RABL6: variants seen among roughly 807,000 people sequenced by gnomAD.
The protein encoded by RABL6 is rab-like protein 6.
In RABL6, 28 loss-of-function variants were observed where a neutral mutation model predicts 72.9. That is an observed-to-expected ratio of 0.38 (90% CI 0.28 to 0.53). The LOEUF is 0.53. Among genes scored for constraint, RABL6 ranks in the 20% least tolerant of loss-of-function variants. RABL6 has a pLI of 0.80. For missense variants in RABL6, 1,029 were observed against 1,008.4 expected (o/e 1.02, Z -0.28); for synonymous variants, 477 against 421.2 (o/e 1.13, Z -1.62).
rs1222603458 is a variant in RABL6, at chr9:136,834,099, C to T, written c.706-1643C>T. 17 of 1,327,980 alleles carry T rather than the reference C, an allele frequency of 1.3e-5. No individual in the cohort carries two copies. In the Admixed American group the frequency reaches 1.3e-4, roughly 10 times the overall value. 82.3% of individuals were successfully genotyped at this position (1,327,980 alleles called of 1,614,324 possible). ...TGTGTTCAAGCAGATCTGATGTCCT[C>T]GCCTGTCTCAGCAGCGGGACCCCTG... On this transcript the variant is annotated intron_variant, in intron 7 of 14. Coordinates refer to ENST00000311502, the MANE Select transcript of RABL6 (RefSeq NM_024718.5).
At chr9:136,829,074 C>T (rs546159426) in intron 4 of RABL6, among the ~76,000 whole-genome samples, 1 of 152,326 alleles carries the variant, frequency 6.6e-6, no homozygotes, top group East Asian at 1.9e-4. Context: ...CTGAGGGCAG[C>T]TGGTAGTCCA....
In RABL6 at chr9:136,822,916, G is replaced by A. The variant is rs372609286; in HGVS notation, c.131-609G>A. On this transcript the variant is annotated intron_variant, in intron 1 of 14. Transcript: ENST00000311502. ...ACCCTGGCTAACACGGTGAAACCCCGTCTCTACTAAAAATACAAAAAATTA... is the reference window on the plus strand; with the variant it reads ...ACCCTGGCTAACACGGTGAAACCCCATCTCTACTAAAAATACAAAAAATTA... 2.2e-4 allele frequency among the ~76,000 whole-genome samples: 34 copies of A among 152,196 alleles called. No individual in the cohort carries two copies. In the East Asian group the frequency reaches 3.5e-3, roughly 16 times the overall value.
At chr9:136,831,260 A>G (rs989670091) in intron 5 of RABL6, among the ~76,000 whole-genome samples, 2 of 152,166 alleles carry the variant, frequency 1.3e-5, no homozygotes, top group African/African-American at 2.4e-5. Flanking sequence ...AGGCTCTCCA[A>G]ACAGCCCGCT....
chr9:136,819,034 T>G (rs1390997536), intron 1 of RABL6, among the ~76,000 whole-genome samples: 1 of 151,946 alleles, frequency 6.6e-6, no homozygotes, highest in Non-Finnish European at 1.5e-5. Context: ...GAAAACCACC[T>G]TGTCCAGGCC....
chr9:136,810,095 CAAAAT>C (rs1847975621), intron 1 of RABL6: 1 of 152,216 alleles, frequency 6.6e-6, no homozygotes, highest in Non-Finnish European at 1.5e-5. Flanking sequence ...AATATTGAGT[CAAAAT>C]AACTGAGTTT....
At chr9:136,835,547 G>A (rs936932769) in intron 7 of RABL6, 195 bp from the exon 8 acceptor site, 15 of 551,984 alleles carry the variant, frequency 2.7e-5, no homozygotes, top group African/African-American at 7.6e-5. Flanking sequence ...GCCGGCCACC[G>A]CAGAGGAATC....
chr9:136,837,778 A>G, intron 9 of RABL6, 84 bp from the exon 10 acceptor site: 2 of 1,541,074 alleles, frequency 1.3e-6, no homozygotes, highest in Non-Finnish European at 1.8e-6. Flanking sequence ...TCCCGTGGGC[A>G]CATCCCGGGT....
Position 136,808,191 on chromosome 9 carries a change from G to T in RABL6, c.-6G>T. 1 of 1,521,350 alleles carries T rather than the reference G, an allele frequency of 6.6e-7. No homozygotes were observed. Among genetic ancestry groups the T allele is most frequent in the Non-Finnish European group, 8.8e-7 (1 of 1,135,608 alleles). The allele number at this position is 1,521,350 out of a possible 1,614,324, so 94.2% of individuals were successfully genotyped here. A position where few individuals can be genotyped will look rare whatever the true frequency, so the allele number is the denominator to read the frequency against. On this transcript the variant is annotated 5_prime_UTR_variant, in exon 1 of 15. Transcript: ENST00000311502. ...CGCGCCCGGGCTGGGACGTCCGAGC[G>T]GGAAGATGTTTTCCGCCCTGAAGAA...
chr9:136,808,704 G>C (rs1259666889), intron 1 of RABL6: 1 of 152,874 alleles, frequency 6.5e-6, no homozygotes, highest in Non-Finnish European at 1.5e-5. Context: ...GCTCCACGGT[G>C]CCCAGCCCCG....
intron 7 of RABL6, chr9:136,833,373 G>C: frequency 2.7e-6 from 1 of 374,180 alleles, no homozygotes; most frequent in South Asian, 2.0e-5. Flanking sequence ...TGGGGGACCT[G>C]AACCTCCTTG....
In RABL6 at chr9:136,837,841, AC is replaced by A; in HGVS notation, c.1127-18del. 1 of 1,546,630 alleles carries A rather than the reference AC, an allele frequency of 6.5e-7. No homozygotes were observed. Among genetic ancestry groups the A allele is most frequent in the Non-Finnish European group, 8.7e-7 (1 of 1,145,336 alleles). ...AGGGTTCTGGTGCCGAGTGAAGAGG[AC>A]CCGGCATCACTGTTCACAGAGCCAG... On this transcript the variant is annotated intron_variant, in intron 9 of 14. Transcript: ENST00000311502.
Position 136,839,744 on chromosome 9 carries a change from G to C in RABL6, c.1809G>C (p.Glu603Asp), listed in dbSNP as rs1426160271. 6.2e-7 allele frequency: 1 copy of C among 1,610,358 alleles called. No homozygotes were observed. Among genetic ancestry groups the C allele is most frequent in the Non-Finnish European group, 8.5e-7 (1 of 1,178,352 alleles). The change falls in exon 13 of 15, where the codon GAG (glutamate) becomes GAC (aspartate). Residue 603 changes from glutamate (E) to aspartate (D), a missense_variant. Coordinates refer to ENST00000311502, the MANE Select transcript of RABL6 (RefSeq NM_024718.5). ...DDPSDVTDEDEGPAEPPPPPK... is the reference protein window; with the variant it reads ...DDPSDVTDEDDGPAEPPPPPK... ...CCTCCGATGTGACTGACGAGGATGAGGGCCCTGCCGAGCCGCCCCCACCCC... is the reference window on the plus strand; with the variant it reads ...CCTCCGATGTGACTGACGAGGATGACGGCCCTGCCGAGCCGCCCCCACCCC...
chr9:136,832,576 C>T, intron 7 of RABL6: 1 of 639,256 alleles, frequency 1.6e-6, no homozygotes, highest in East Asian at 2.8e-5. Flanking sequence ...TAGACCCAGT[C>T]CCAGGAGCCC....
chr9:136,832,672 C>G (rs920050699), intron 7 of RABL6: 2 of 415,996 alleles, frequency 4.8e-6, no homozygotes, highest in Admixed American at 7.1e-5. Context: ...TGCTGTGTGG[C>G]CCAGGCTGGA....
At position 136,808,188 on chromosome 9, in the gene RABL6, A is replaced by C; in HGVS notation, c.-9A>C. The C allele has an allele frequency of 6.6e-7, 1 of 1,515,782 alleles. No individual in the cohort carries two copies. Among genetic ancestry groups the C allele is most frequent in the Non-Finnish European group, 8.8e-7 (1 of 1,132,574 alleles). 93.9% of individuals were successfully genotyped at this position (1,515,782 alleles called of 1,614,324 possible). ...GGCCGCGCCCGGGCTGGGACGTCCG[A>C]GCGGGAAGATGTTTTCCGCCCTGAA... is the stretch of plus-strand genomic sequence containing the variant. On this transcript the variant is annotated 5_prime_UTR_variant, in exon 1 of 15. Coordinates refer to ENST00000311502, the MANE Select transcript of RABL6 (RefSeq NM_024718.5).
At chr9:136,813,917 C>T (rs1175368017) in intron 1 of RABL6, 1 of 324,626 alleles carries the variant, frequency 3.1e-6, no homozygotes, top group African/African-American at 2.3e-5. Context: ...GCCACTGCGC[C>T]CAGCCAAAAC....
At chr9:136,839,940 C>A in intron 13 of RABL6, 75 bp downstream of exon 13, 1 of 1,539,054 alleles carries the variant, frequency 6.5e-7, no homozygotes, top group Admixed American at 1.9e-5. Flanking sequence ...AGCTGCTGGC[C>A]GCTGGCCGGG....
At position 136,839,690 on chromosome 9, in the gene RABL6, C is replaced by G; in HGVS notation, c.1759-4C>G. The G allele has an allele frequency of 6.3e-7, 1 of 1,577,390 alleles. No homozygotes were observed. Among genetic ancestry groups the G allele is most frequent in the Non-Finnish European group, 8.6e-7 (1 of 1,158,516 alleles). On this transcript the variant is annotated splice_region_variant and splice_polypyrimidine_tract_variant and intron_variant, in intron 12 of 14. Coordinates refer to ENST00000311502, the MANE Select transcript of RABL6 (RefSeq NM_024718.5). ...GGCCTGACCAGTTGCTCTCCCTGCT[C>G]CAGGATGACTTTCCCGTGCGAGATG...
rs569482326 is a variant in RABL6 at position 136,820,922 on chromosome 9, T to C, written c.131-2603T>C. Reference sequence around the variant, plus strand: ...CTCCGTGCATCCAGATGGTGGAACATTATTTAGTCCTGAAAAGATGTTCTC... The same window carrying C: ...CTCCGTGCATCCAGATGGTGGAACACTATTTAGTCCTGAAAAGATGTTCTC... On this transcript the variant is annotated intron_variant, in intron 1 of 14. Coordinates refer to ENST00000311502, the MANE Select transcript of RABL6 (RefSeq NM_024718.5). 3.9e-5 allele frequency among the ~76,000 whole-genome samples: 6 copies of C among 152,238 alleles called. No homozygotes were observed. The South Asian group carries it at 1.0e-3, about 26-fold the overall frequency.
Sources: allele counts gnomAD v4.1 joint callset (sites outside exome capture counted in the v4.1 genomes callset), GRCh38; gene constraint gnomAD v4.1.1; transcripts MANE v1.5; gene names NCBI Gene and HGNC (gene_info 2026-07-23, HGNC 2026-07-21).